ADGRB3: variants seen among roughly 807,000 people sequenced by gnomAD.
The protein encoded by ADGRB3 is brain-specific angiogenesis inhibitor 3.
ADGRB3 carries 37 observed loss-of-function variants against 193.4 expected under a neutral mutation model. That is an observed-to-expected ratio of 0.19 (90% CI 0.15 to 0.25). The LOEUF (loss-of-function observed/expected upper bound fraction) is 0.25, where lower values mean the gene tolerates loss of function less well. Among genes scored for constraint, ADGRB3 ranks in the 10% least tolerant of loss-of-function variants. The probability of loss-of-function intolerance (pLI) is 1.00; values close to 1 mark genes in which losing one functional copy is unlikely to be tolerated. For missense variants in ADGRB3, 1,637 were observed against 1,852.9 expected, an observed-to-expected ratio of 0.88 and a Z score of 2.14; for synonymous variants, 690 against 644.2, an observed-to-expected ratio of 1.07 and a Z score of -1.08.
chr6:68,810,867 G>GTA (rs1767500255), intron 3 of ADGRB3, among the ~76,000 whole-genome samples: 1 of 152,030 alleles, frequency 6.6e-6, no homozygotes, highest in African/African-American at 2.4e-5. Flanking sequence ...ACTGGTAGAA[G>GTA]GATTTGGTAA....
chr6:68,782,152 T>C (rs1464291592), intron 3 of ADGRB3, among the ~76,000 whole-genome samples: 1 of 123,724 alleles, frequency 8.1e-6, no homozygotes, highest in African/African-American at 3.1e-5. Flanking sequence ...CCCTGGTGTG[T>C]GATGTTCCCC....
chr6:69,336,497 T>C (rs1768851101), intron 24 of ADGRB3, among the ~76,000 whole-genome samples: 1 of 151,992 alleles, frequency 6.6e-6, no homozygotes, highest in Non-Finnish European at 1.5e-5. Flanking sequence ...ACTTTTTTTC[T>C]TTAAAGAAAA....
Position 69,389,401 on chromosome 6 carries a change from CT to C in ADGRB3, c.*513del, listed in dbSNP as rs1354370155. Reference sequence around the variant, plus strand: ...TTTATATGAATAATATATTTCACATCTTTATTATTGCAGTTTTCTCTAGAAA... The same window carrying C: ...TTTATATGAATAATATATTTCACATCTTATTATTGCAGTTTTCTCTAGAAA... On this transcript the variant is annotated 3_prime_UTR_variant, in exon 32 of 32. Transcript: ENST00000370598. The C allele has an allele frequency of 6.6e-6, 1 of 152,522 alleles. No individual in the cohort carries two copies. Among genetic ancestry groups the C allele is most frequent in the Non-Finnish European group, 1.5e-5 (1 of 68,064 alleles). 9.4% of individuals were successfully genotyped at this position (152,522 alleles called of 1,614,324 possible).
chr6:69,356,942 A>C (rs890164595), intron 28 of ADGRB3, among the ~76,000 whole-genome samples: 1 of 152,062 alleles, frequency 6.6e-6, no homozygotes. Flanking sequence ...AATATGCCTC[A>C]TTTTACCTTT....
At chr6:69,233,148 T>A in intron 17 of ADGRB3, 142 bp from the exon 18 acceptor site, 1 of 1,198,976 alleles carries the variant, frequency 8.3e-7, no homozygotes, top group Non-Finnish European at 1.2e-6. Context: ...AATTACATCC[T>A]GTTCAACAAC....
intron 3 of ADGRB3, among the ~76,000 whole-genome samples, chr6:68,737,254 C>T (rs1376666045): frequency 6.6e-6 from 1 of 152,074 alleles, no homozygotes; most frequent in Non-Finnish European, 1.5e-5. Context: ...GCCAGCTCTC[C>T]ACATCCTTCA....
rs184941762 is a variant in ADGRB3 at position 69,196,881 on chromosome 6, G to T, written c.2481-36409G>T. 5.9e-5 allele frequency among the ~76,000 whole-genome samples: 9 copies of T among 152,212 alleles called. No homozygotes were observed. The East Asian group carries it at 1.7e-3, about 29-fold the overall frequency. Reference sequence around the variant, plus strand: ...CTAATGAAGGCAGTATGATGTAGCAGAAGGAGCACAGGCATTAGGGTCAGA... The same window carrying T: ...CTAATGAAGGCAGTATGATGTAGCATAAGGAGCACAGGCATTAGGGTCAGA... On this transcript the variant is annotated intron_variant, in intron 17 of 31. Transcript: ENST00000370598.
chr6:69,371,015 A>G (rs1284988738), intron 29 of ADGRB3, among the ~76,000 whole-genome samples: 2 of 152,018 alleles, frequency 1.3e-5, no homozygotes, highest in African/African-American at 4.8e-5. Flanking sequence ...GGCGAGGCTG[A>G]GGTGCTGTTG....
At chr6:69,232,365 T>C in intron 17 of ADGRB3, 1 of 1,391,740 alleles carries the variant, frequency 7.2e-7, no homozygotes, top group South Asian at 1.7e-5. Flanking sequence ...AGACGTAGGT[T>C]GATACCATTT....
intron 3 of ADGRB3, among the ~76,000 whole-genome samples, chr6:68,807,811 C>T (rs2127374158): frequency 6.6e-6 from 1 of 151,392 alleles, no homozygotes; most frequent in East Asian, 1.9e-4. Flanking sequence ...TAAGTAGAAC[C>T]ACAGAGAATA....
intron 22 of ADGRB3, among the ~76,000 whole-genome samples, chr6:69,330,073 G>A (rs1768681421): frequency 6.6e-6 from 1 of 151,952 alleles, no homozygotes. Context: ...CAATGACCTC[G>A]AGGAAGAGCA....
intron 20 of ADGRB3, among the ~76,000 whole-genome samples, chr6:69,245,703 A>ACTC (rs1343063333): frequency 1.2e-4 from 18 of 151,858 alleles, no homozygotes; most frequent in African/African-American, 4.4e-4. Flanking sequence ...ATTCTCTGAC[A>ACTC]CTCTGATGAG....
intron 3 of ADGRB3, among the ~76,000 whole-genome samples, chr6:68,847,666 A>G (rs1768307538): frequency 6.6e-6 from 1 of 152,148 alleles, no homozygotes; most frequent in Admixed American, 6.5e-5. Context: ...GTGGAACTGT[A>G]AGTCAAATTA....
At chr6:68,817,307 GTATA>G (rs60723627) in intron 3 of ADGRB3, among the ~76,000 whole-genome samples, 1,209 of 43,444 alleles carry the variant, frequency 0.028, 24 homozygotes, top group East Asian at 0.057. Flanking sequence ...TTTTGTCCAT[GTATA>G]TATATATATA....
intron 23 of ADGRB3, among the ~76,000 whole-genome samples, chr6:69,331,024 CAT>C (rs1768714756): frequency 6.6e-6 from 1 of 152,148 alleles, no homozygotes; most frequent in African/African-American, 2.4e-5. Context: ...TATTTTGGAT[CAT>C]ATGTTTGTTT....
At chr6:69,182,912 T>C (rs1764960986) in intron 17 of ADGRB3, among the ~76,000 whole-genome samples, 1 of 152,118 alleles carries the variant, frequency 6.6e-6, no homozygotes, top group Admixed American at 6.5e-5. Context: ...CAGACTCCAG[T>C]ATACCACTGG....
At chr6:68,932,370 T>G (rs1767363781) in intron 4 of ADGRB3, among the ~76,000 whole-genome samples, 1 of 152,166 alleles carries the variant, frequency 6.6e-6, no homozygotes, top group Non-Finnish European at 1.5e-5. Flanking sequence ...TGTGACATAG[T>G]TCAATTCACA....
chr6:69,046,850 A>C (rs1771250998), intron 13 of ADGRB3, among the ~76,000 whole-genome samples: 3 of 152,034 alleles, frequency 2.0e-5, no homozygotes, highest in Admixed American at 2.0e-4. Flanking sequence ...ACTTATGAGG[A>C]GTGTAATGAA....
chr6:69,112,444 G>A (rs1484141242), intron 17 of ADGRB3, among the ~76,000 whole-genome samples: 1 of 152,116 alleles, frequency 6.6e-6, no homozygotes, highest in East Asian at 1.9e-4. Flanking sequence ...TGTAGTCTCT[G>A]GCTAAAACTC....
Sources: gnomAD v4.1 joint callset for allele counts (sites outside exome capture counted in the v4.1 genomes callset) on GRCh38, gnomAD v4.1.1 for gene constraint, MANE v1.5 for transcripts, NCBI Gene and HGNC (gene_info 2026-07-23, HGNC 2026-07-21) for gene names.